ADAMTSL1: variants seen among roughly 807,000 people sequenced by gnomAD.
ADAMTSL1 encodes ADAMTS like 1, also known as ADAMTS-like protein 1.
In ADAMTSL1, 126 loss-of-function variants were observed where a neutral mutation model predicts 201.8. The ratio of observed to expected loss-of-function variants is 0.62; its 90% CI spans 0.54 to 0.72. The LOEUF (loss-of-function observed/expected upper bound fraction) is 0.72. Among genes scored for constraint, ADAMTSL1 ranks in the 30% least tolerant of loss-of-function variants. ADAMTSL1 has a pLI of 0.00. For missense variants in ADAMTSL1, 2,679 were observed against 2,277.8 expected (o/e 1.18, Z -3.59); for synonymous variants, 1,121 against 903.4 (o/e 1.24, Z -4.32).
intron 2 of ADAMTSL1, among the ~76,000 whole-genome samples, chr9:18,211,342 A>G (rs1367859759): frequency 6.6e-6 from 1 of 152,072 alleles, no homozygotes; most frequent in Non-Finnish European, 1.5e-5. Context: ...TCCCTATTCC[A>G]TTTCATTCTA....
intron 2 of ADAMTSL1, among the ~76,000 whole-genome samples, chr9:18,179,144 T>C (rs1244582587): frequency 1.3e-5 from 2 of 152,032 alleles, no homozygotes; most frequent in Admixed American, 1.3e-4. Context: ...TTTAGAAGAA[T>C]GTATAACTAG....
At chr9:18,281,954 A>G (rs940917477) in intron 2 of ADAMTSL1, among the ~76,000 whole-genome samples, 1 of 152,024 alleles carries the variant, frequency 6.6e-6, no homozygotes, top group African/African-American at 2.4e-5. Flanking sequence ...TAGGTTATTT[A>G]TTTTTTTAAT....
At chr9:18,410,016 C>T (rs1276105476) in intron 2 of ADAMTSL1, among the ~76,000 whole-genome samples, 2 of 151,404 alleles carry the variant, frequency 1.3e-5, no homozygotes, top group Non-Finnish European at 2.9e-5. Context: ...AAATGAAATA[C>T]TTTTAATATT....
chr9:18,445,485 T>C (rs1820156138), intron 2 of ADAMTSL1, among the ~76,000 whole-genome samples: 1 of 152,146 alleles, frequency 6.6e-6, no homozygotes, highest in Admixed American at 6.5e-5. Flanking sequence ...ATCCCATATT[T>C]ACAAAACAGG....
chr9:18,311,285 A>C (rs1834144894), intron 2 of ADAMTSL1, among the ~76,000 whole-genome samples: 1 of 152,038 alleles, frequency 6.6e-6, no homozygotes. Context: ...GCAAACCACC[A>C]CAGTGTGTGT....
At chr9:18,772,940 G>A (rs908854076) in intron 17 of ADAMTSL1, among the ~76,000 whole-genome samples, 3 of 152,198 alleles carry the variant, frequency 2.0e-5, no homozygotes, top group African/African-American at 7.2e-5. Flanking sequence ...CAAACATTGA[G>A]GAGGGGCTGG....
intron 1 of ADAMTSL1, among the ~76,000 whole-genome samples, chr9:18,492,672 C>G (rs1477984656): frequency 1.3e-5 from 2 of 152,080 alleles, no homozygotes; most frequent in Non-Finnish European, 2.9e-5. Context: ...TGCTTATGTT[C>G]CATTTTACAA....
chr9:18,128,526 G>C (rs926362651), intron 1 of ADAMTSL1, among the ~76,000 whole-genome samples: 6 of 151,980 alleles, frequency 3.9e-5, no homozygotes, highest in African/African-American at 1.5e-4. Context: ...GCCCAGGCTG[G>C]TCTCAAAATC....
At chr9:18,779,068 T>C (rs1821229953) in intron 19 of ADAMTSL1, among the ~76,000 whole-genome samples, 1 of 152,266 alleles carries the variant, frequency 6.6e-6, no homozygotes, top group Non-Finnish European at 1.5e-5. Flanking sequence ...AGTTTATTTA[T>C]AAGTAACTGC....
intron 23 of ADAMTSL1, among the ~76,000 whole-genome samples, chr9:18,873,892 G>C (rs1369172950): frequency 6.6e-6 from 1 of 151,990 alleles, no homozygotes; most frequent in African/African-American, 2.4e-5. Flanking sequence ...TTGGCAGTAT[G>C]GTCATTTTCA....
At chr9:18,889,775 C>A in intron 25 of ADAMTSL1, 27 bp downstream of exon 25, 1 of 1,436,070 alleles carries the variant, frequency 7.0e-7, no homozygotes, top group East Asian at 2.7e-5. Flanking sequence ...CTGGCTCAGA[C>A]CTCCCCACCC....
chr9:18,764,620 G>C (rs1820257472), intron 16 of ADAMTSL1, among the ~76,000 whole-genome samples: 1 of 152,192 alleles, frequency 6.6e-6, no homozygotes, highest in Non-Finnish European at 1.5e-5. Context: ...ATGATCAAAG[G>C]CAGAGCAGAG....
At chr9:18,159,924 A>G (rs1248744057) in intron 1 of ADAMTSL1, among the ~76,000 whole-genome samples, 3 of 151,986 alleles carry the variant, frequency 2.0e-5, no homozygotes, top group Admixed American at 6.6e-5. Flanking sequence ...TTTATTTTTA[A>G]ACTACCTTTA....
intron 2 of ADAMTSL1, among the ~76,000 whole-genome samples, chr9:18,192,035 G>A (rs530162806): frequency 1.3e-5 from 2 of 152,090 alleles, no homozygotes; most frequent in Admixed American, 1.3e-4. Flanking sequence ...TGACATTGAT[G>A]GTATTCTTTC....
intron 1 of ADAMTSL1, among the ~76,000 whole-genome samples, chr9:18,103,141 C>A (rs763411286): frequency 3.9e-5 from 6 of 152,056 alleles, no homozygotes; most frequent in Non-Finnish European, 8.8e-5. Flanking sequence ...CAAAAATTTA[C>A]AGGATAAAGA....
At chr9:18,315,043 G>C (rs371792700) in intron 2 of ADAMTSL1, among the ~76,000 whole-genome samples, 1 of 151,804 alleles carries the variant, frequency 6.6e-6, no homozygotes, top group African/African-American at 2.4e-5. Context: ...TGATCCGCCC[G>C]CCTCGGCCTC....
chr9:18,766,790 T>C (rs964921731), intron 16 of ADAMTSL1, among the ~76,000 whole-genome samples: 38 of 151,670 alleles, frequency 2.5e-4, no homozygotes, highest in African/African-American at 8.7e-4. Flanking sequence ...CATGACCTAA[T>C]CATCTCCCAA....
chr9:18,279,018 CT>C lies in ADAMTSL1; in HGVS notation c.207+115042del, dbSNP rs1470910851. ...GTAGTGCTAGAATTTTTGTTTGGTT[CT>C]TTTTATGATTTCTCCCTCTTTATTG... is the stretch of plus-strand genomic sequence containing the variant. On this transcript the variant is annotated intron_variant, in intron 2 of 29. Transcript: ENST00000680146. Among the ~76,000 whole-genome samples, 3 of 151,874 alleles carry C rather than the reference CT, an allele frequency of 2.0e-5. No homozygotes were observed. The East Asian group carries it at 5.8e-4, about 29-fold the overall frequency.
intron 2 of ADAMTSL1, among the ~76,000 whole-genome samples, chr9:18,281,458 G>T (rs112514672): frequency 6.6e-6 from 1 of 152,152 alleles, no homozygotes; most frequent in Non-Finnish European, 1.5e-5. Flanking sequence ...ACGATGAGAG[G>T]TCTCATGAAG....
Sources: gnomAD v4.1 joint callset for allele counts (sites outside exome capture counted in the v4.1 genomes callset) on GRCh38, gnomAD v4.1.1 for gene constraint, MANE v1.5 for transcripts, NCBI Gene and HGNC (gene_info 2026-07-23, HGNC 2026-07-21) for gene names.